Variants in TRPM6 observed in about 807,000 individuals in gnomAD.
TRPM6 encodes channel kinase 2.
Under a neutral mutation model 247.6 loss-of-function variants are expected in TRPM6, and 111 were observed. The ratio of observed to expected loss-of-function variants is 0.45; its 90% CI spans 0.38 to 0.52. The LOEUF (loss-of-function observed/expected upper bound fraction) is 0.52. TRPM6 is among the 20% of genes least tolerant of loss of function. The probability of loss-of-function intolerance (pLI) is 0.00; values close to 1 mark genes in which losing one functional copy is unlikely to be tolerated. For missense variants in TRPM6, 2,126 were observed against 2,421.5 expected, an observed-to-expected ratio of 0.88 and a Z score of 2.56; for synonymous variants, 892 against 853.8, an observed-to-expected ratio of 1.04 and a Z score of -0.78.
Position 74,732,730 on chromosome 9 carries a change from C to A in TRPM6, c.5783G>T (p.Gly1928Val), listed in dbSNP as rs1328406203. 1 of 1,608,974 alleles carries A rather than the reference C, an allele frequency of 6.2e-7. No individual in the cohort carries two copies. Among genetic ancestry groups the A allele is most frequent in the East Asian group, 2.2e-5 (1 of 44,630 alleles). Reference sequence around the variant, plus strand: ...AACAGATGGATCTGTCAAATTTTCTCCAACACCTCAAAAGAAGAAACAAAA... The same window carrying A: ...AACAGATGGATCTGTCAAATTTTCTACAACACCTCAAAAGAAGAAACAAAA... ...ELLVLDLQGV[G>V]ENLTDPSVIK... Residue 1928 changes from glycine to valine, a missense_variant, in exon 37 of 39, where the codon GGA (glycine) becomes GTA (valine). Gly to Val is a moderately radical substitution (Grantham distance 109). This residue lies in a region of TRPM6 where 327 missense variants were observed against 397.7 expected (regional missense o/e 0.82). Coordinates refer to ENST00000360774, the MANE Select transcript of TRPM6 (RefSeq NM_017662.5).
In TRPM6 at chr9:74,887,908, G is replaced by A; in HGVS notation, c.-52C>T. On this transcript the variant is annotated 5_prime_UTR_variant, in exon 1 of 39. Transcript: ENST00000360774. ...AGCCCTGTCTGAGCTTTTAACTGTG[G>A]AGGCAGAAACTCTGGGCTCCACCTC... is the stretch of plus-strand genomic sequence containing the variant. 4 of 1,611,940 alleles carry A rather than the reference G, an allele frequency of 2.5e-6. No individual in the cohort carries two copies. The highest frequency in any genetic ancestry group is 3.4e-6 in the Non-Finnish European group (4 of 1,178,408).
At chr9:74,779,839 G>A (rs961706111) in intron 23 of TRPM6, among the ~76,000 whole-genome samples, 3 of 152,190 alleles carry the variant, frequency 2.0e-5, no homozygotes, top group African/African-American at 7.2e-5. Context: ...CAATGTGGTT[G>A]GAGAGGAATG....
chr9:74,866,011 A>G (rs949824518), intron 1 of TRPM6, among the ~76,000 whole-genome samples: 2 of 152,228 alleles, frequency 1.3e-5, no homozygotes, highest in African/African-American at 2.4e-5. Flanking sequence ...ATTAGAAGTT[A>G]CATGTTTGGC....
rs1554706956 is a variant in TRPM6 at position 74,796,902 on chromosome 9, G to T, written c.2239-9C>A. 6.2e-7 allele frequency: 1 copy of T among 1,610,372 alleles called. No individual in the cohort carries two copies. Among genetic ancestry groups the T allele is most frequent in the Non-Finnish European group, 8.5e-7 (1 of 1,177,640 alleles). Reference sequence around the variant, plus strand: ...ATAATGCTTATAATAATCTGTAAAAGAAAAAAAAGCAAAACAAAGTAGTAG... The same window carrying T: ...ATAATGCTTATAATAATCTGTAAAATAAAAAAAAGCAAAACAAAGTAGTAG... On this transcript the variant is annotated splice_polypyrimidine_tract_variant and intron_variant, in intron 17 of 38. Transcript: ENST00000360774.
chr9:74,879,231 T>C (rs971449806), intron 1 of TRPM6, among the ~76,000 whole-genome samples: 6 of 151,486 alleles, frequency 4.0e-5, no homozygotes, highest in Admixed American at 1.3e-4. Flanking sequence ...GCAGAAAGAA[T>C]ATGAGCACCT....
chr9:74,843,579 C>T (rs373205763), intron 3 of TRPM6, among the ~76,000 whole-genome samples: 112 of 151,722 alleles, frequency 7.4e-4, no homozygotes, highest in African/African-American at 2.6e-3. Flanking sequence ...GAGGCCGAGG[C>T]GGGTGGATCA....
chr9:74,858,290 G>A (rs1341180701), intron 2 of TRPM6, among the ~76,000 whole-genome samples: 1 of 152,238 alleles, frequency 6.6e-6, no homozygotes, highest in East Asian at 1.9e-4. Context: ...GGGAGGTTGA[G>A]GCAGGAGAAT....
intron 28 of TRPM6, 63 bp from the exon 29 acceptor site, chr9:74,752,431 T>A: frequency 1.1e-6 from 1 of 940,928 alleles, no homozygotes. Context: ...AAATCACAGT[T>A]CCCAAATAGA....
chr9:74,803,806 T>C lies in TRPM6; in HGVS notation c.1719A>G (p.Pro573=), dbSNP rs752129230. The change falls in exon 15 of 39, where the codon CCA becomes CCG. Residue 573 remains proline (P), a synonymous_variant. Transcript: ENST00000360774. ...AAGTAAATGGTACCTTGAATTTGTA[T>C]GGCTGTGCAGTTCTAATGAACTGGG... is the stretch of plus-strand genomic sequence containing the variant. The part of the protein sequence containing the change: ...LHSQFIRTAQ[P]YKFKEKSIVL... 4 of 1,610,620 alleles carry C rather than the reference T, an allele frequency of 2.5e-6. No individual in the cohort carries two copies. The African/African-American group carries it at 4.0e-5, about 16-fold the overall frequency.
intron 20 of TRPM6, among the ~76,000 whole-genome samples, chr9:74,787,339 GAAAAAA>G (rs71368679): frequency 7.6e-6 from 1 of 131,676 alleles, no homozygotes; most frequent in Non-Finnish European, 1.7e-5. Context: ...TGTCTCAAAA[GAAAAAA>G]AAAAAGAAAA....
intron 34 of TRPM6, 104 bp from the exon 35 acceptor site, chr9:74,739,553 C>G: frequency 6.7e-7 from 1 of 1,486,354 alleles, no homozygotes; most frequent in South Asian, 1.1e-5. Flanking sequence ...CCTTATTCAA[C>G]TCCCACCACT....
intron 36 of TRPM6, chr9:74,737,510 G>GTTTGT: frequency 1.3e-5 from 13 of 979,232 alleles, no homozygotes; most frequent in Non-Finnish European, 1.8e-5. Context: ...CCATAAGATG[G>GTTTGT]TTATACCCTC....
intron 1 of TRPM6, among the ~76,000 whole-genome samples, chr9:74,886,673 G>A (rs1831541196): frequency 6.6e-6 from 1 of 152,180 alleles, no homozygotes; most frequent in South Asian, 2.1e-4. Context: ...CTGCCAGGAT[G>A]AAATAGTTAA....
At chr9:74,767,125 G>A (rs775602284) in intron 25 of TRPM6, among the ~76,000 whole-genome samples, 2 of 152,186 alleles carry the variant, frequency 1.3e-5, no homozygotes, top group African/African-American at 2.4e-5. Flanking sequence ...GCTGGGAGGT[G>A]TCACAGATGT....
rs1241938362 is a variant in TRPM6, at chr9:74,731,946, A to T, written c.5828+739T>A. ...TGTGTTTTAACAGGCTCTCCTGGTG[A>T]TTGTGATGTAAGCTCTTATTTGAGA... On this transcript the variant is annotated intron_variant, in intron 37 of 38. Transcript: ENST00000360774. Among the ~76,000 whole-genome samples, 3 of 152,082 alleles carry T rather than the reference A, an allele frequency of 2.0e-5. No individual in the cohort carries two copies. The East Asian group carries it at 5.8e-4, about 29-fold the overall frequency.
chr9:74,841,165 G>A (rs932600744), intron 4 of TRPM6, among the ~76,000 whole-genome samples: 6 of 152,036 alleles, frequency 3.9e-5, no homozygotes, highest in Non-Finnish European at 7.4e-5. Context: ...CTCTTTAATC[G>A]TCAATGTAAG....
At chr9:74,842,050 G>T in intron 4 of TRPM6, 116 bp downstream of exon 4, 1 of 1,122,350 alleles carries the variant, frequency 8.9e-7, no homozygotes, top group Non-Finnish European at 1.3e-6. Context: ...GGCAGAGGTT[G>T]CAGTGCGCCG....
chr9:74,796,873 T>C lies in TRPM6; in HGVS notation c.2259A>G (p.Leu753=), dbSNP rs200723190. ...SWLKIIISII[L]PPTILTLEFK... ...ATTCCAGTGTCAAAATGGTGGGTGGTAAAATAATGCTTATAATAATCTGTA... is the reference window on the plus strand; with the variant it reads ...ATTCCAGTGTCAAAATGGTGGGTGGCAAAATAATGCTTATAATAATCTGTA... The change falls in exon 18 of 39, where the codon TTA becomes TTG. Residue 753 remains leucine, a synonymous_variant. Transcript: ENST00000360774. The C allele has an allele frequency of 3.9e-5, 63 of 1,613,700 alleles. No individual in the cohort carries two copies. In the African/African-American group the frequency reaches 7.3e-4, roughly 19 times the overall value.
chr9:74,793,221 C>T (rs1827970224), intron 18 of TRPM6, among the ~76,000 whole-genome samples: 1 of 152,152 alleles, frequency 6.6e-6, no homozygotes, highest in Non-Finnish European at 1.5e-5. Flanking sequence ...GGAGAGAAAA[C>T]TGCATGTACT....
Sources: allele counts gnomAD v4.1 joint callset (sites outside exome capture counted in the v4.1 genomes callset), GRCh38; gene constraint gnomAD v4.1.1; regional missense constraint gnomAD v4.1.1; transcripts MANE v1.5; gene names NCBI Gene and HGNC (gene_info 2026-07-23, HGNC 2026-07-21).